The following USP15 variants were observed in gnomAD, a reference collection of about 807,000 sequenced individuals.
The protein encoded by USP15 is ubiquitin specific peptidase 15.
Under a neutral mutation model 127.1 loss-of-function variants are expected in USP15, and 18 were observed. The ratio of observed to expected loss-of-function variants is 0.14; its 90% CI spans 0.10 to 0.21. The LOEUF is 0.21. Among genes scored for constraint, USP15 ranks in the 10% least tolerant of loss-of-function variants. The pLI is 1.00. For synonymous variants in USP15, 364 were observed against 393.7 expected (o/e 0.92, Z 0.89); for missense variants, 805 against 1,159.9 (o/e 0.69, Z 4.44).
chr12:62,262,930 A>G (rs1205031667), intron 1 of USP15, among the ~76,000 whole-genome samples: 1 of 152,228 alleles, frequency 6.6e-6, no homozygotes, highest in Non-Finnish European at 1.5e-5. Flanking sequence ...AAGGAAAAAA[A>G]CTGCAAGAGA....
intron 8 of USP15, among the ~76,000 whole-genome samples, chr12:62,371,706 C>T (rs2066675358): frequency 6.6e-6 from 1 of 152,126 alleles, no homozygotes; most frequent in South Asian, 2.1e-4. Flanking sequence ...TTCACACCCA[C>T]AATAAAGCTT....
Position 62,409,666 on chromosome 12 carries a change from G to A in USP15, c.*5291G>A, listed in dbSNP as rs867868403. Reference sequence around the variant, plus strand: ...GCTGTGACATTTAAGTTTGTTGTTAGCTGGAGTTAAATCTACATACATAAA... The same window carrying A: ...GCTGTGACATTTAAGTTTGTTGTTAACTGGAGTTAAATCTACATACATAAA... On this transcript the variant is annotated 3_prime_UTR_variant, in exon 22 of 22. Coordinates refer to ENST00000280377, the MANE Select transcript of USP15 (RefSeq NM_001252078.2). The A allele has an allele frequency of 3.3e-5, 5 of 152,118 alleles. No individual in the cohort carries two copies. The highest frequency in any genetic ancestry group is 7.4e-5 in the Non-Finnish European group (5 of 67,972). 9.4% of individuals were successfully genotyped at this position (152,118 alleles called of 1,614,324 possible).
At chr12:62,346,702 T>C (rs76227028) in intron 6 of USP15, among the ~76,000 whole-genome samples, 3,355 of 152,326 alleles carry the variant, frequency 0.022, 125 homozygotes, top group African/African-American at 0.075. Context: ...TCTGATTTTG[T>C]TGATACACTA....
intron 2 of USP15, 113 bp from the exon 3 acceptor site, chr12:62,302,677 T>C: frequency 8.2e-7 from 1 of 1,214,486 alleles, no homozygotes; most frequent in Middle Eastern, 2.8e-4. Flanking sequence ...CTGAATTGCT[T>C]TAGAGCTTAA....
chr12:62,401,966 A>G (rs1592743232), intron 21 of USP15, among the ~76,000 whole-genome samples: 1 of 150,802 alleles, frequency 6.6e-6, no homozygotes, highest in African/African-American at 2.4e-5. Context: ...ATCTATGACA[A>G]AAAGAGACTT....
At chr12:62,297,779 C>A (rs2064178336) in intron 2 of USP15, among the ~76,000 whole-genome samples, 1 of 152,046 alleles carries the variant, frequency 6.6e-6, no homozygotes, top group Non-Finnish European at 1.5e-5. Flanking sequence ...TACAAGAACT[C>A]AATCAGGGAA....
chr12:62,347,437 A>G (rs2065853175), intron 6 of USP15, among the ~76,000 whole-genome samples: 1 of 151,498 alleles, frequency 6.6e-6, no homozygotes, highest in Non-Finnish European at 1.5e-5. Flanking sequence ...CTTTATTTCC[A>G]TAATTTTTAC....
intron 6 of USP15, among the ~76,000 whole-genome samples, chr12:62,339,632 A>G (rs1337398466): frequency 6.6e-6 from 1 of 152,116 alleles, no homozygotes; most frequent in Non-Finnish European, 1.5e-5. Flanking sequence ...TTGTGCATCT[A>G]TTGAGTTACT....
At position 62,314,863 on chromosome 12, in the gene USP15, A is replaced by G; in HGVS notation, c.422A>G (p.Asn141Ser). 2 of 1,599,584 alleles carry G rather than the reference A, an allele frequency of 1.3e-6. No homozygotes were observed. The highest frequency in any genetic ancestry group is 1.7e-6 in the Non-Finnish European group (2 of 1,172,980). ...VYLTELKLCE[N>S]GNMNNVVTRR... ...CTCACAGAATTGAAGCTATGTGAAA[A>G]TGGAAACATGAATAATGTTGTAACT... is the stretch of plus-strand genomic sequence containing the variant. Residue 141 changes from asparagine (N) to serine (S), a missense_variant, in exon 4 of 22, where the codon AAT (asparagine) becomes AGT (serine). By Grantham distance (46) the Asn-to-Ser change is conservative (BLOSUM62 1). Coordinates refer to ENST00000280377, the MANE Select transcript of USP15 (RefSeq NM_001252078.2).
intron 3 of USP15, among the ~76,000 whole-genome samples, chr12:62,311,799 A>C (rs966200074): frequency 2.6e-5 from 4 of 151,828 alleles, no homozygotes; most frequent in African/African-American, 9.7e-5. Flanking sequence ...TTAAGAGACG[A>C]ATTAGTCTAT....
intron 7 of USP15, among the ~76,000 whole-genome samples, chr12:62,350,916 TG>T (rs1434539021): frequency 2.6e-5 from 4 of 152,136 alleles, no homozygotes; most frequent in African/African-American, 9.7e-5. Context: ...TGAGCCACCT[TG>T]CCCAGCTGGG....
chr12:62,369,914 C>T (rs139690732), intron 8 of USP15, among the ~76,000 whole-genome samples: 1,871 of 152,156 alleles, frequency 0.012, 113 homozygotes, highest in Admixed American at 0.1. Context: ...CATGATGATA[C>T]CTGGAACCCC....
intron 8 of USP15, among the ~76,000 whole-genome samples, chr12:62,371,509 A>G (rs2066666337): frequency 6.6e-6 from 1 of 152,216 alleles, no homozygotes; most frequent in Non-Finnish European, 1.5e-5. Context: ...TAAGTGATCA[A>G]AAGTCTCTAT....
At chr12:62,282,494 G>C (rs2063683224) in intron 1 of USP15, among the ~76,000 whole-genome samples, 1 of 152,166 alleles carries the variant, frequency 6.6e-6, no homozygotes, top group African/African-American at 2.4e-5. Context: ...TTTTGTAATA[G>C]TGTGAGATGA....
chr12:62,265,457 C>T (rs2063169535), intron 1 of USP15, among the ~76,000 whole-genome samples: 1 of 152,190 alleles, frequency 6.6e-6, no homozygotes, highest in Non-Finnish European at 1.5e-5. Flanking sequence ...AAGGTTTTCA[C>T]ATAGTGGTAT....
chr12:62,314,069 T>A (rs1224584478), intron 3 of USP15: 1 of 835,592 alleles, frequency 1.2e-6, no homozygotes, highest in Non-Finnish European at 1.4e-6. Context: ...AAAGGTGACC[T>A]TAATATATAC....
At position 62,378,454 on chromosome 12, in the gene USP15, A is replaced by G. The variant is rs73321575; in HGVS notation, c.916-3036A>G. On this transcript the variant is annotated intron_variant, in intron 8 of 21. Coordinates refer to ENST00000280377, the MANE Select transcript of USP15 (RefSeq NM_001252078.2). ...ACAAATAGAATGTTTATTTGGGCCCATTTAGGACTAAATAGCTTAAATTTA... is the reference window on the plus strand; with the variant it reads ...ACAAATAGAATGTTTATTTGGGCCCGTTTAGGACTAAATAGCTTAAATTTA... Among the ~76,000 whole-genome samples, 666 of 152,294 alleles carry G rather than the reference A, an allele frequency of 4.4e-3. 3 individuals are homozygous for G. The highest frequency in any genetic ancestry group is 0.015 in the African/African-American group (619 of 41,570).
chr12:62,404,544 A>G lies in USP15; in HGVS notation c.*169A>G. On this transcript the variant is annotated 3_prime_UTR_variant, in exon 22 of 22. Coordinates refer to ENST00000280377, the MANE Select transcript of USP15 (RefSeq NM_001252078.2). ...TGTGCAGTACTTGAAGTGAAACACA[A>G]TGAAAACTTTAACAGAAATTGTCTC... The G allele has an allele frequency of 2.1e-6, 2 of 935,894 alleles. No individual in the cohort carries two copies. Among genetic ancestry groups the G allele is most frequent in the African/African-American group, 3.4e-5 (2 of 58,762 alleles). The allele number at this position is 935,894 out of a possible 1,614,324, so 58.0% of individuals were successfully genotyped here.
chr12:62,354,910 ACT>A, intron 7 of USP15: 1 of 152,212 alleles, frequency 6.6e-6, no homozygotes, highest in East Asian at 1.9e-4. Flanking sequence ...TTAAAGCATA[ACT>A]CTTACTGTTT....
Sources: gnomAD v4.1 joint callset for allele counts (sites outside exome capture counted in the v4.1 genomes callset) on GRCh38, gnomAD v4.1.1 for gene constraint, MANE v1.5 for transcripts, NCBI Gene and HGNC (gene_info 2026-07-23, HGNC 2026-07-21) for gene names.